Variants in HNMT observed in about 807,000 individuals in gnomAD.
HNMT encodes histamine N-methyltransferase.
Under a neutral mutation model 32.1 loss-of-function variants are expected in HNMT, and 30 were observed. The observed-to-expected ratio is 0.93, with a 90% CI of 0.70 to 1.27. The LOEUF is 1.27. Among genes scored for constraint, HNMT ranks in the 50% most tolerant of loss-of-function variants. The pLI is 0.00. For missense variants in HNMT, 327 were observed against 346.0 expected (o/e 0.95, Z 0.43); for synonymous variants, 125 against 119.0 (o/e 1.05, Z -0.33).
At chr2:137,984,163 C>T (rs2104947722) in intron 2 of HNMT, among the ~76,000 whole-genome samples, 1 of 152,278 alleles carries the variant, frequency 6.6e-6, no homozygotes, top group Admixed American at 6.5e-5. Flanking sequence ...CTGTAGTGAA[C>T]GTGGTTCAGT....
intron 2 of HNMT, among the ~76,000 whole-genome samples, chr2:137,986,645 C>A (rs1057506063): frequency 2.0e-5 from 3 of 152,014 alleles, no homozygotes; most frequent in Admixed American, 1.3e-4. Flanking sequence ...AGAGATGACA[C>A]ATAAAAGTAA....
At chr2:137,994,541 A>G (rs1250070350) in intron 2 of HNMT, among the ~76,000 whole-genome samples, 3 of 152,218 alleles carry the variant, frequency 2.0e-5, no homozygotes, top group African/African-American at 7.2e-5. Flanking sequence ...TTAGAGACCT[A>G]CAAAGAGAGG....
intron 2 of HNMT, among the ~76,000 whole-genome samples, chr2:137,984,718 C>T (rs1297170301): frequency 4.6e-5 from 7 of 151,962 alleles, no homozygotes; most frequent in Non-Finnish European, 4.4e-5. Context: ...AATCAGTTGT[C>T]CTGATTTTAC....
chr2:137,974,660 TTAAGAGTTAGACAGAGCTG>T (rs1321045209), intron 2 of HNMT, among the ~76,000 whole-genome samples: 1 of 152,200 alleles, frequency 6.6e-6, no homozygotes, highest in Non-Finnish European at 1.5e-5. Context: ...AGAAAGTTTT[TTAAGAGTTAGACAGAGCTG>T]TAACTCAAAT....
Position 138,013,730 on chromosome 2 carries a change from G to A in HNMT, c.524-45G>A, listed in dbSNP as rs774413803. On this transcript the variant is annotated intron_variant, in intron 5 of 5. Coordinates refer to ENST00000280097, the MANE Select transcript of HNMT (RefSeq NM_006895.3). ...GTGTACTTTCTGGCAGACTGCAAAT[G>A]AAAGAAAGAATAAATGAAAGCATGA... The A allele has an allele frequency of 1.5e-5, 22 of 1,479,286 alleles. No homozygotes were observed. The African/African-American group carries it at 3.1e-4, about 21-fold the overall frequency. 91.6% of individuals were successfully genotyped at this position (1,479,286 alleles called of 1,614,324 possible). A position where few individuals can be genotyped will look rare whatever the true frequency, so the allele number is the denominator to read the frequency against.
chr2:137,995,441 ATACACCC>A (rs1442972499), intron 2 of HNMT, among the ~76,000 whole-genome samples: 1 of 152,164 alleles, frequency 6.6e-6, no homozygotes, highest in Non-Finnish European at 1.5e-5. Flanking sequence ...TCCTGGGCAC[ATACACCC>A]TACTAAGACT....
At chr2:138,003,123 T>G in intron 4 of HNMT, among the ~76,000 whole-genome samples, 1 of 145,304 alleles carries the variant, frequency 6.9e-6, no homozygotes, top group Non-Finnish European at 1.5e-5. Context: ...TCGGGAGATA[T>G]ACCTAATGCT....
intron 2 of HNMT, among the ~76,000 whole-genome samples, chr2:137,995,357 A>G (rs1680959706): frequency 6.6e-6 from 1 of 152,204 alleles, no homozygotes; most frequent in Admixed American, 6.5e-5. Context: ...CCACAGAAAT[A>G]CAAACTACCA....
chr2:137,970,328 T>A (rs1680083693), intron 2 of HNMT, 111 bp downstream of exon 2: 3 of 559,612 alleles, frequency 5.4e-6, no homozygotes, highest in Admixed American at 3.5e-5. Flanking sequence ...TTGGAAGAGA[T>A]CGGCTTATTA....
Position 137,988,015 on chromosome 2 carries a change from T to C in HNMT, c.191-12903T>C, listed in dbSNP as rs13425085. On this transcript the variant is annotated intron_variant, in intron 2 of 5. Coordinates refer to ENST00000280097, the MANE Select transcript of HNMT (RefSeq NM_006895.3). ...AGTGAAGAAGTGAGGGAGACCTTTT[T>C]AGGCAGAGGAGAAAGCATGGGAGAG... 5.0e-3 allele frequency among the ~76,000 whole-genome samples: 757 copies of C among 152,202 alleles called. 4 individuals carry two copies. The highest frequency in any genetic ancestry group is 0.017 in the African/African-American group (715 of 41,534).
intron 2 of HNMT, among the ~76,000 whole-genome samples, chr2:137,976,668 CAGA>C (rs372799479): frequency 5.3e-4 from 80 of 152,102 alleles, no homozygotes; most frequent in African/African-American, 1.8e-3. Context: ...ACTCCTTTAC[CAGA>C]AGGATATAGA....
intron 2 of HNMT, among the ~76,000 whole-genome samples, chr2:137,999,650 T>C (rs1681100147): frequency 6.6e-6 from 1 of 152,210 alleles, no homozygotes; most frequent in South Asian, 2.1e-4. Flanking sequence ...CATTTTCCTA[T>C]GCTAATCTTG....
At chr2:137,997,416 GA>G (rs1280499266) in intron 2 of HNMT, among the ~76,000 whole-genome samples, 2 of 152,000 alleles carry the variant, frequency 1.3e-5, no homozygotes, top group East Asian at 1.9e-4. Flanking sequence ...ACAAACATAT[GA>G]AAAAAAGCTC....
intron 5 of HNMT, among the ~76,000 whole-genome samples, chr2:138,011,297 A>G (rs1261823986): frequency 6.6e-6 from 1 of 152,060 alleles, no homozygotes; most frequent in Non-Finnish European, 1.5e-5. Flanking sequence ...GCAAACTCTT[A>G]TTTAGGAAGA....
At chr2:137,983,201 C>T (rs887316888) in intron 2 of HNMT, among the ~76,000 whole-genome samples, 5 of 152,152 alleles carry the variant, frequency 3.3e-5, no homozygotes, top group African/African-American at 1.2e-4. Context: ...AATACACAGA[C>T]TTGCCCAAGG....
At chr2:137,983,505 G>T (rs1680564544) in intron 2 of HNMT, among the ~76,000 whole-genome samples, 1 of 152,026 alleles carries the variant, frequency 6.6e-6, no homozygotes, top group Admixed American at 6.6e-5. Context: ...TGAATTCTTA[G>T]CTGGGATGGG....
chr2:138,008,578 A>G (rs1188583130), intron 5 of HNMT, among the ~76,000 whole-genome samples: 1 of 152,030 alleles, frequency 6.6e-6, no homozygotes, highest in Non-Finnish European at 1.5e-5. Flanking sequence ...AAAAACAAGC[A>G]CATAGACCAA....
intron 2 of HNMT, among the ~76,000 whole-genome samples, chr2:137,993,747 A>G (rs986410469): frequency 6.6e-6 from 1 of 152,152 alleles, no homozygotes; most frequent in Non-Finnish European, 1.5e-5. Flanking sequence ...TTGAAATGAA[A>G]GAAAATTGTT....
chr2:137,970,116 C>T, intron 1 of HNMT, 49 bp from the exon 2 acceptor site: 1 of 998,894 alleles, frequency 1.0e-6, no homozygotes, highest in South Asian at 1.5e-5. Flanking sequence ...TCAGATTTCA[C>T]AAAGCACCTA....
Sources: allele counts gnomAD v4.1 joint callset (sites outside exome capture counted in the v4.1 genomes callset), GRCh38; gene constraint gnomAD v4.1.1; transcripts MANE v1.5; gene names NCBI Gene and HGNC (gene_info 2026-07-23, HGNC 2026-07-21).